ESRRG: variants seen among roughly 807,000 people sequenced by gnomAD.
ESRRG encodes estrogen related receptor gamma.
Under a neutral mutation model 44.0 loss-of-function variants are expected in ESRRG, and 13 were observed. The observed-to-expected ratio is 0.30, with a 90% CI of 0.19 to 0.47. The LOEUF is 0.47. ESRRG is among the 20% of genes least tolerant of loss of function. ESRRG has a pLI of 1.00. For missense variants in ESRRG, 395 were observed against 580.6 expected (o/e 0.68, Z 3.29); for synonymous variants, 215 against 214.6 (o/e 1.00, Z -0.02).
chr1:216,962,851 C>T (rs147298015), intron 1 of ESRRG, among the ~76,000 whole-genome samples: 6 of 152,138 alleles, frequency 3.9e-5, no homozygotes, highest in East Asian at 1.9e-4. Flanking sequence ...CAACTGAGAA[C>T]GTATATACAA....
chr1:216,865,721 A>T (rs1194513657), intron 2 of ESRRG, among the ~76,000 whole-genome samples: 1 of 152,210 alleles, frequency 6.6e-6, no homozygotes, highest in Non-Finnish European at 1.5e-5. Flanking sequence ...TTGACTAATA[A>T]TGTTAAGAAA....
chr1:216,619,084 C>T (rs1361500431), intron 3 of ESRRG, among the ~76,000 whole-genome samples: 1 of 152,200 alleles, frequency 6.6e-6, no homozygotes, highest in Non-Finnish European at 1.5e-5. Context: ...CATATGCATT[C>T]TTAGCTCTTT....
At chr1:217,127,833 A>G (rs530479809) in intron 1 of ESRRG, among the ~76,000 whole-genome samples, 1 of 152,362 alleles carries the variant, frequency 6.6e-6, no homozygotes, top group African/African-American at 2.4e-5. Flanking sequence ...AGCTACGTTA[A>G]AAAGGAAACA....
At chr1:216,544,593 C>G (rs1191770967) in intron 5 of ESRRG, among the ~76,000 whole-genome samples, 1 of 151,992 alleles carries the variant, frequency 6.6e-6, no homozygotes, top group African/African-American at 2.4e-5. Context: ...GTGGAATTCC[C>G]TTTAGCATCA....
chr1:216,575,422 G>A (rs931988996), intron 3 of ESRRG, among the ~76,000 whole-genome samples: 5 of 152,006 alleles, frequency 3.3e-5, no homozygotes, highest in African/African-American at 1.2e-4. Flanking sequence ...ACCAAGCAAC[G>A]TCTTTGTTGT....
At chr1:216,601,511 G>A (rs79880774) in intron 3 of ESRRG, among the ~76,000 whole-genome samples, 3,684 of 152,292 alleles carry the variant, frequency 0.024, 52 homozygotes, top group Middle Eastern at 0.048. Context: ...AGTTGTCTTG[G>A]TTATGACAGA....
chr1:216,634,490 C>T (rs1313834648), intron 3 of ESRRG, among the ~76,000 whole-genome samples: 2 of 152,092 alleles, frequency 1.3e-5, no homozygotes, highest in Non-Finnish European at 2.9e-5. Context: ...AGAATGCCTC[C>T]AGACTTTACA....
chr1:216,813,550 C>T (rs1372515660), intron 2 of ESRRG, among the ~76,000 whole-genome samples: 1 of 152,120 alleles, frequency 6.6e-6, no homozygotes, highest in Non-Finnish European at 1.5e-5. Flanking sequence ...GTGGCAAGAA[C>T]ATATATTTTT....
chr1:217,073,739 A>C (rs964128), intron 1 of ESRRG, among the ~76,000 whole-genome samples: 50,404 of 151,612 alleles, frequency 0.33, 8,798 homozygotes, highest in East Asian at 0.68. Flanking sequence ...AGGAAGAAAG[A>C]AAAGGAGGGA....
At chr1:216,794,672 G>T (rs1451472003) in intron 2 of ESRRG, among the ~76,000 whole-genome samples, 1 of 152,140 alleles carries the variant, frequency 6.6e-6, no homozygotes, top group Non-Finnish European at 1.5e-5. Context: ...CTGGGAGAGA[G>T]TTATTAGAAT....
intron 5 of ESRRG, among the ~76,000 whole-genome samples, chr1:216,541,467 C>T (rs1283648210): frequency 1.3e-5 from 2 of 151,772 alleles, no homozygotes; most frequent in African/African-American, 2.4e-5. Context: ...TGTTGTTACA[C>T]ATTATGGAGT....
chr1:216,642,651 G>A (rs1445174246), intron 3 of ESRRG, among the ~76,000 whole-genome samples: 7 of 152,116 alleles, frequency 4.6e-5, no homozygotes, highest in Admixed American at 4.6e-4. Context: ...TCTATTAACT[G>A]TCATCTAACA....
intron 2 of ESRRG, among the ~76,000 whole-genome samples, chr1:216,916,597 G>T (rs181459678): frequency 6.6e-6 from 1 of 152,262 alleles, no homozygotes; most frequent in African/African-American, 2.4e-5. Context: ...CTGGGGATGG[G>T]TCCTATACCA....
chr1:217,033,607 A>G (rs1046253911), intron 1 of ESRRG, among the ~76,000 whole-genome samples: 1 of 152,154 alleles, frequency 6.6e-6, no homozygotes, highest in Non-Finnish European at 1.5e-5. Context: ...ATGAAATTGT[A>G]TTCTTTAAAA....
intron 1 of ESRRG, among the ~76,000 whole-genome samples, chr1:216,949,616 T>C (rs2066624379): frequency 6.6e-6 from 1 of 152,102 alleles, no homozygotes; most frequent in South Asian, 2.1e-4. Flanking sequence ...CTAATCACTT[T>C]CAAAAAAATT....
chr1:217,001,024 T>C (rs2076971840), intron 1 of ESRRG, among the ~76,000 whole-genome samples: 1 of 152,234 alleles, frequency 6.6e-6, no homozygotes, highest in African/African-American at 2.4e-5. Flanking sequence ...TATAAGATCA[T>C]AAGCTAAGAC....
At chr1:216,770,519 T>G (rs1036896945) in intron 2 of ESRRG, among the ~76,000 whole-genome samples, 11 of 152,078 alleles carry the variant, frequency 7.2e-5, no homozygotes, top group South Asian at 2.1e-4. Context: ...CAGATCAGAG[T>G]AGAAGATCGA....
chr1:216,943,557 C>T (rs1030844), intron 1 of ESRRG, among the ~76,000 whole-genome samples: 16,868 of 152,204 alleles, frequency 0.11, 2,049 homozygotes, highest in African/African-American at 0.3. Flanking sequence ...GGGAAAAACA[C>T]ATTTTGAATT....
chr1:216,817,166 G>A lies in ESRRG; in HGVS notation c.-14+122416C>T, dbSNP rs148871936. The stretch of plus-strand genomic sequence containing the variant: ...TAAACACACATTCAAATAATGTCTG[G>A]AAGTTGTGAAAAGACCCTAGGAAAT... On this transcript the variant is annotated intron_variant, in intron 2 of 7. Transcript: ENST00000359162. 3.3e-3 allele frequency among the ~76,000 whole-genome samples: 499 copies of A among 152,108 alleles called. 4 individuals are homozygous for A. The highest frequency in any genetic ancestry group is 0.015 in the South Asian group (70 of 4,810).
Sources: gnomAD v4.1 joint callset for allele counts (sites outside exome capture counted in the v4.1 genomes callset) on GRCh38, gnomAD v4.1.1 for gene constraint, MANE v1.5 for transcripts, NCBI Gene and HGNC (gene_info 2026-07-23, HGNC 2026-07-21) for gene names.